CAB39L: variants seen among roughly 807,000 people sequenced by gnomAD.
The protein encoded by CAB39L is calcium binding protein 39 like.
In CAB39L, 23 loss-of-function variants were observed where a neutral mutation model predicts 39.1. That is an observed-to-expected ratio of 0.59 (90% CI 0.42 to 0.83). The LOEUF (loss-of-function observed/expected upper bound fraction) is 0.83, where lower values mean the gene tolerates loss of function less well. Among genes scored for constraint, CAB39L ranks in the 40% least tolerant of loss-of-function variants. The probability of loss-of-function intolerance (pLI) is 0.00; values close to 1 mark genes in which losing one functional copy is unlikely to be tolerated. For synonymous variants in CAB39L, 126 were observed against 137.2 expected (o/e 0.92, Z 0.57); for missense variants, 366 against 391.9 (o/e 0.93, Z 0.56).
chr13:49,376,487 T>C (rs929021664), intron 5 of CAB39L, among the ~76,000 whole-genome samples: 2 of 152,240 alleles, frequency 1.3e-5, no homozygotes, highest in East Asian at 3.8e-4. Flanking sequence ...TACTAGCACT[T>C]AACACATTTC....
chr13:49,378,234 C>T lies in CAB39L; in HGVS notation c.112-1103G>A, dbSNP rs576116501. ...CTGGGAAGTGAGGAGCATCTCCGAC[C>T]GGCAGCCACCCCGTCAGGGAGGGAG... On this transcript the variant is annotated intron_variant, in intron 4 of 10. Transcript: ENST00000409308. Among the ~76,000 whole-genome samples the T allele has an allele frequency of 2.2e-3, 205 of 93,126 alleles. 79 individuals carry two copies. The highest frequency in any genetic ancestry group is 0.012 in the African/African-American group (202 of 16,436). 61.1% of individuals were successfully genotyped at this position (93,126 alleles called of 152,430 possible). A position where few individuals can be genotyped will look rare whatever the true frequency, so the allele number is the denominator to read the frequency against.
chr13:49,361,474 T>C (rs536573499), intron 5 of CAB39L, among the ~76,000 whole-genome samples: 14 of 23,424 alleles, frequency 6.0e-4, no homozygotes, highest in African/African-American at 2.4e-3. Flanking sequence ...CAAGACTTCA[T>C]CTCAAAAAAA....
At position 49,413,468 on chromosome 13, in the gene CAB39L, C is replaced by T. The variant is rs180930057; in HGVS notation, c.-32+19850G>A. ...TGAGATAGAAAAAGGAACAATATCC[C>T]AGCATAGGAAAATTTTTTAGCAAAA... On this transcript the variant is annotated intron_variant, in intron 3 of 10. Transcript: ENST00000409308. Among the ~76,000 whole-genome samples, 115 of 152,148 alleles carry T rather than the reference C, an allele frequency of 7.6e-4. 5 individuals carry two copies. In the East Asian group the frequency reaches 0.02, roughly 26 times the overall value.
intron 3 of CAB39L, among the ~76,000 whole-genome samples, chr13:49,386,393 T>G (rs1956361550): frequency 6.6e-6 from 1 of 152,122 alleles, no homozygotes; most frequent in Admixed American, 6.6e-5. Flanking sequence ...GCACAGGCAC[T>G]TTGCTAAATA....
intron 10 of CAB39L, among the ~76,000 whole-genome samples, chr13:49,326,725 A>G (rs1368125664): frequency 6.6e-6 from 1 of 152,236 alleles, no homozygotes; most frequent in Non-Finnish European, 1.5e-5. Flanking sequence ...CACACATACA[A>G]GTAAACAAGC....
At chr13:49,351,040 A>G (rs866659976) in intron 6 of CAB39L, 128 bp from the exon 7 acceptor site, 1 of 608,422 alleles carries the variant, frequency 1.6e-6, no homozygotes. Flanking sequence ...CGATTCATTC[A>G]ATATCCACTG....
In CAB39L at chr13:49,355,112, A is replaced by T. The variant is rs180728932; in HGVS notation, c.396-4200T>A. ...TGAGTTAGGCCAGGCATAGTGGCTC[A>T]TGCATATAATCCCAGCACTTTGGGA... is the stretch of plus-strand genomic sequence containing the variant. On this transcript the variant is annotated intron_variant, in intron 6 of 10. Coordinates refer to ENST00000409308, the MANE Select transcript of CAB39L (RefSeq NM_001079670.3). Among the ~76,000 whole-genome samples, 1,065 of 152,170 alleles carry T rather than the reference A, an allele frequency of 7.0e-3. 12 individuals carry two copies. Among genetic ancestry groups the T allele is most frequent in the Non-Finnish European group, 9.4e-3 (638 of 67,996 alleles).
At chr13:49,327,584 A>T (rs61950795) in intron 10 of CAB39L, among the ~76,000 whole-genome samples, 63,123 of 151,854 alleles carry the variant, frequency 0.42, 13,685 homozygotes, top group South Asian at 0.52. Context: ...GATTACGGGC[A>T]TGAGCCACCA....
At chr13:49,437,506 C>T (rs529726804) in intron 1 of CAB39L, among the ~76,000 whole-genome samples, 1 of 151,836 alleles carries the variant, frequency 6.6e-6, no homozygotes, top group Non-Finnish European at 1.5e-5. Flanking sequence ...GATCTTACAC[C>T]TCTTCTCACT....
chr13:49,407,955 G>C (rs1468157772), intron 3 of CAB39L, among the ~76,000 whole-genome samples: 1 of 151,988 alleles, frequency 6.6e-6, no homozygotes, highest in Non-Finnish European at 1.5e-5. Context: ...TAGAAATCCA[G>C]GTTGCGGTCA....
chr13:49,365,111 T>C (rs998960634), intron 5 of CAB39L, among the ~76,000 whole-genome samples: 1 of 152,014 alleles, frequency 6.6e-6, no homozygotes, highest in Non-Finnish European at 1.5e-5. Context: ...CACAGACCAA[T>C]GGAACAGAAC....
rs1271277068 is a variant in CAB39L, at chr13:49,443,057, CA to C, written c.-246+928del. 5.7e-5 allele frequency among the ~76,000 whole-genome samples: 5 copies of C among 88,122 alleles called. No homozygotes were observed. The East Asian group carries it at 1.6e-3, about 28-fold the overall frequency. The allele number at this position is 88,122 out of a possible 152,430, so 57.8% of individuals were successfully genotyped here. ...ATACATTTTCCCCTCAAATGAAAGA[CA>C]ATGCAATGCCATCCACAACAATGCT... On this transcript the variant is annotated intron_variant, in intron 1 of 10. Coordinates refer to ENST00000409308, the MANE Select transcript of CAB39L (RefSeq NM_001079670.3).
chr13:49,322,929 T>A (rs1021904752), intron 10 of CAB39L, among the ~76,000 whole-genome samples: 5 of 152,244 alleles, frequency 3.3e-5, no homozygotes, highest in African/African-American at 1.2e-4. Context: ...TGGCTTGCAT[T>A]ATGATATTCT....
At chr13:49,346,306 T>G (rs868459534) in intron 7 of CAB39L, among the ~76,000 whole-genome samples, 38 of 142,546 alleles carry the variant, frequency 2.7e-4, no homozygotes, top group African/African-American at 9.0e-4. Context: ...CAAATATAAT[T>G]GCTGCATTAT....
At chr13:49,442,752 T>C (rs1017566903) in intron 1 of CAB39L, among the ~76,000 whole-genome samples, 7 of 132,832 alleles carry the variant, frequency 5.3e-5, no homozygotes, top group African/African-American at 2.2e-4. Context: ...GATTGCACCA[T>C]TGCACTCCAG....
At chr13:49,345,364 G>A (rs2138442454) in intron 7 of CAB39L, among the ~76,000 whole-genome samples, 1 of 152,206 alleles carries the variant, frequency 6.6e-6, no homozygotes, top group East Asian at 1.9e-4. Context: ...AATAAGAGTG[G>A]CTCTTAATTC....
rs1250802096 is a variant in CAB39L, at chr13:49,377,082, C to T, written c.161G>A (p.Cys54Tyr). 6.2e-7 allele frequency: 1 copy of T among 1,613,622 alleles called. No individual in the cohort carries two copies. The highest frequency in any genetic ancestry group is 2.2e-5 in the East Asian group (1 of 44,886). ...KSLQAMKEIL[C>Y]GTNEKEPPTE... Reference sequence around the variant, plus strand: ...TGGGGGTTCTTTCTCGTTTGTACCACACAGAATTTCTTTCATTGCTTGCAG... The same window carrying T: ...TGGGGGTTCTTTCTCGTTTGTACCATACAGAATTTCTTTCATTGCTTGCAG... The change falls in exon 5 of 11, where the codon TGT becomes TAT. Residue 54 changes from cysteine (C) to tyrosine (Y), a missense_variant. Physicochemically the swap from Cys to Tyr is radical, Grantham distance 194. Coordinates refer to ENST00000409308, the MANE Select transcript of CAB39L (RefSeq NM_001079670.3).
At position 49,337,729 on chromosome 13, in the gene CAB39L, G is replaced by GGCGC. The variant is rs1384930361; in HGVS notation, c.690+1944_690+1947dup. 3.8e-3 allele frequency among the ~76,000 whole-genome samples: 340 copies of GGCGC among 90,280 alleles called. 3 individuals carry two copies. The highest frequency in any genetic ancestry group is 0.016 in the African/African-American group (324 of 20,744). The allele number at this position is 90,280 out of a possible 152,430, so 59.2% of individuals were successfully genotyped here. A position where few individuals can be genotyped will look rare whatever the true frequency, so the allele number is the denominator to read the frequency against. On this transcript the variant is annotated intron_variant, in intron 9 of 10. Transcript: ENST00000409308. ...ACTTCACTGATCGTCTAGCTGCTCT[G>GGCGC]GCGCACACACACACACACACACACA...
At chr13:49,373,692 T>C (rs1955984100) in intron 5 of CAB39L, among the ~76,000 whole-genome samples, 1 of 152,226 alleles carries the variant, frequency 6.6e-6, no homozygotes, top group Admixed American at 6.5e-5. Context: ...CATTACTACA[T>C]TCATTCAAAC....
Sources: gnomAD v4.1 joint callset for allele counts (sites outside exome capture counted in the v4.1 genomes callset) on GRCh38, gnomAD v4.1.1 for gene constraint, MANE v1.5 for transcripts, NCBI Gene and HGNC (gene_info 2026-07-23, HGNC 2026-07-21) for gene names.